Variants in FGF19 observed in about 807,000 individuals in gnomAD.
FGF19 encodes the protein fibroblast growth factor 19, also known as FGF-19.
A neutral mutation model predicts 8.9 loss-of-function variants in FGF19; 5 were observed. The ratio of observed to expected loss-of-function variants is 0.56; its 90% CI spans 0.29 to 1.18. FGF19 has a LOEUF of 1.18. Among genes scored for constraint, FGF19 ranks in the 50% most tolerant of loss-of-function variants. FGF19 has a pLI of 0.08. For missense variants in FGF19, 237 were observed against 293.9 expected, an observed-to-expected ratio of 0.81 and a Z score of 1.42; for synonymous variants, 124 against 128.0, an observed-to-expected ratio of 0.97 and a Z score of 0.21.
At chr11:69,699,678 T>G (rs970169758) in intron 2 of FGF19, 102 bp from the exon 3 acceptor site, 1 of 806,256 alleles carries the variant, frequency 1.2e-6, no homozygotes, top group Non-Finnish European at 1.9e-6. Flanking sequence ...CCACCAGCAG[T>G]GACCTTCCAC....
chr11:69,701,510 G>C (rs1227651050), intron 2 of FGF19, among the ~76,000 whole-genome samples: 3 of 151,248 alleles, frequency 2.0e-5, no homozygotes, highest in African/African-American at 7.3e-5. Context: ...GGCTGAGGCA[G>C]GAGAATTGCT....
intron 2 of FGF19, 37 bp from the exon 3 acceptor site, chr11:69,699,613 T>C: frequency 6.5e-7 from 1 of 1,527,800 alleles, no homozygotes; most frequent in Non-Finnish European, 8.9e-7. Flanking sequence ...CAATCCACAG[T>C]GGACAGGGAA....
Position 69,699,368 on chromosome 11 carries a change from T to C in FGF19, c.545A>G (p.His182Arg). Residue 182 changes from histidine to arginine, a missense_variant, in exon 3 of 3, where the codon CAC (histidine) becomes CGC (arginine). Coordinates refer to ENST00000294312, the MANE Select transcript of FGF19 (RefSeq NM_005117.3). Reference protein sequence around the residue: ...VPEEPEDLRGHLESDMFSSPL... With the variant: ...VPEEPEDLRGRLESDMFSSPL... ...CGAAGAGAACATGTCAGATTCCAAG[T>C]GGCCCCTGAGGTCCTCAGGCTCCTC... 1 of 1,614,132 alleles carries C rather than the reference T, an allele frequency of 6.2e-7. No homozygotes were observed. The highest frequency in any genetic ancestry group is 8.5e-7 in the Non-Finnish European group (1 of 1,180,008).
chr11:69,700,440 T>G (rs867736940), intron 2 of FGF19, among the ~76,000 whole-genome samples: 2 of 152,222 alleles, frequency 1.3e-5, no homozygotes, highest in African/African-American at 4.8e-5. Flanking sequence ...GAATGCCGTC[T>G]GTGTTTCCCT....
rs922640696 is a variant in FGF19, at chr11:69,702,125, T to C, written c.336+1136A>G. On this transcript the variant is annotated intron_variant, in intron 2 of 2. Coordinates refer to ENST00000294312, the MANE Select transcript of FGF19 (RefSeq NM_005117.3). The surrounding 1 kb of genome is among the most constrained non-coding windows in gnomAD (Gnocchi z 4.6). ...CCATAGTAAATGTCAAAATTAAAGT[T>C]GCAAGGGTGGGTTTGGAGCGGCTCT... Among the ~76,000 whole-genome samples the C allele has an allele frequency of 2.6e-5, 4 of 151,504 alleles. No homozygotes were observed. The highest frequency in any genetic ancestry group is 9.7e-5 in the African/African-American group (4 of 41,248).
Position 69,698,973 on chromosome 11 carries a change from A to G in FGF19, c.*289T>C. 1 of 341,966 alleles carries G rather than the reference A, an allele frequency of 2.9e-6. No individual in the cohort carries two copies. The highest frequency in any genetic ancestry group is 8.0e-4 in the Middle Eastern group (1 of 1,244). 21.2% of individuals were successfully genotyped at this position (341,966 alleles called of 1,614,324 possible). On this transcript the variant is annotated 3_prime_UTR_variant, in exon 3 of 3. Transcript: ENST00000294312. ...GAGTTCCCCATCGATGGAGGTATTC[A>G]AGCAGAACTGAGACAGTGCAGCAGC...
In FGF19 at chr11:69,703,504, G is replaced by A; in HGVS notation, c.233-140C>T. 1.3e-6 allele frequency: 1 copy of A among 788,996 alleles called. No homozygotes were observed. Among genetic ancestry groups the A allele is most frequent in the Admixed American group, 3.3e-5 (1 of 30,236 alleles). 48.9% of individuals were successfully genotyped at this position (788,996 alleles called of 1,614,324 possible). The stretch of plus-strand genomic sequence containing the variant: ...AACGGAGGGATCCTAACGTCCAGGT[G>A]CCAAAACCTGGGGTTCCCAGGAGTT... On this transcript the variant is annotated intron_variant, in intron 1 of 2. Coordinates refer to ENST00000294312, the MANE Select transcript of FGF19 (RefSeq NM_005117.3). This position sits in a 1 kb window ranked among gnomAD's most constrained non-coding sequence, Gnocchi z 6.8.
chr11:69,700,280 C>G (rs535566114), intron 2 of FGF19, among the ~76,000 whole-genome samples: 1 of 151,862 alleles, frequency 6.6e-6, no homozygotes, highest in Non-Finnish European at 1.5e-5. Context: ...TGCACACAGA[C>G]AAAACTGAGG....
Position 69,702,888 on chromosome 11 carries a change from C to T in FGF19, c.336+373G>A, listed in dbSNP as rs1854791795. Among the ~76,000 whole-genome samples the T allele has an allele frequency of 1.3e-5, 2 of 152,006 alleles. No individual in the cohort carries two copies. The highest frequency in any genetic ancestry group is 2.9e-5 in the Non-Finnish European group (2 of 68,006). On this transcript the variant is annotated intron_variant, in intron 2 of 2. Coordinates refer to ENST00000294312, the MANE Select transcript of FGF19 (RefSeq NM_005117.3). The surrounding 1 kb of genome is among the most constrained non-coding windows in gnomAD (Gnocchi z 4.6). The stretch of plus-strand genomic sequence containing the variant: ...TTCTTTTATACTGGAGGGAGGGAAA[C>T]GGAGGCGAGGACCACACACGCGCAG...
intron 2 of FGF19, among the ~76,000 whole-genome samples, chr11:69,701,433 C>G (rs1240498571): frequency 1.3e-5 from 2 of 151,452 alleles, no homozygotes; most frequent in African/African-American, 2.4e-5. Context: ...AACCTCATCT[C>G]TACTAAAAAT....
Position 69,699,013 on chromosome 11 carries a change from C to T in FGF19, c.*249G>A, listed in dbSNP as rs1016564218. The T allele has an allele frequency of 1.2e-5, 6 of 497,220 alleles. No homozygotes were observed. The highest frequency in any genetic ancestry group is 3.8e-5 in the Admixed American group (1 of 26,650). 30.8% of individuals were successfully genotyped at this position (497,220 alleles called of 1,614,324 possible). A position where few individuals can be genotyped will look rare whatever the true frequency, so the allele number is the denominator to read the frequency against. ...AGTGCAGCAGCTTGTCCAGCAACCTCGAGGGAGCAGAATGGGGGCCCAGGC... is the reference window on the plus strand; with the variant it reads ...AGTGCAGCAGCTTGTCCAGCAACCTTGAGGGAGCAGAATGGGGGCCCAGGC... On this transcript the variant is annotated 3_prime_UTR_variant, in exon 3 of 3. Coordinates refer to ENST00000294312, the MANE Select transcript of FGF19 (RefSeq NM_005117.3).
At position 69,702,389 on chromosome 11, in the gene FGF19, C is replaced by G. The variant is rs569315866; in HGVS notation, c.336+872G>C. Among the ~76,000 whole-genome samples, 1,441 of 152,308 alleles carry G rather than the reference C, an allele frequency of 9.5e-3. 11 individuals are homozygous for G. The highest frequency in any genetic ancestry group is 0.013 in the Non-Finnish European group (909 of 68,004). The stretch of plus-strand genomic sequence containing the variant: ...GGGGGCCCCGGGCAGGCGCGGCCAC[C>G]CCCGCCCTGGCCCCTGCTCCGCCAG... On this transcript the variant is annotated intron_variant, in intron 2 of 2. Transcript: ENST00000294312. This position sits in a 1 kb window ranked among gnomAD's most constrained non-coding sequence, Gnocchi z 4.6.
rs1854777825 is a variant in FGF19, at chr11:69,702,029, T to C, written c.336+1232A>G. 6.8e-6 allele frequency among the ~76,000 whole-genome samples: 1 copy of C among 147,160 alleles called. No individual in the cohort carries two copies. The highest frequency in any genetic ancestry group is 2.5e-5 in the African/African-American group (1 of 39,538). Reference sequence around the variant, plus strand: ...GATTTCAGGTGACCCAACCCCCAATTTGGGCAGAATGGCGGGTTAGGTTGA... The same window carrying C: ...GATTTCAGGTGACCCAACCCCCAATCTGGGCAGAATGGCGGGTTAGGTTGA... On this transcript the variant is annotated intron_variant, in intron 2 of 2. Transcript: ENST00000294312. This position sits in a 1 kb window ranked among gnomAD's most constrained non-coding sequence, Gnocchi z 4.6.
At position 69,703,360 on chromosome 11, in the gene FGF19, C is replaced by G. The variant is rs1489091684; in HGVS notation, c.237G>C (p.Leu79Phe). ...GCAGAGCGACTGCCTTGATCTCCAGCAAACCTAGGCGCAGGGGAAGCGAGA... is the reference window on the plus strand; with the variant it reads ...GCAGAGCGACTGCCTTGATCTCCAGGAAACCTAGGCGCAGGGGAAGCGAGA... ...DCARGQSAHS[L>F]LEIKAVALRT... Residue 79 changes from leucine to phenylalanine, a missense_variant, in exon 2 of 3, where the codon TTG (leucine) becomes TTC (phenylalanine). Coordinates refer to ENST00000294312, the MANE Select transcript of FGF19 (RefSeq NM_005117.3). The surrounding 1 kb of genome is among the most constrained non-coding windows in gnomAD (Gnocchi z 6.8). 6 of 1,605,748 alleles carry G rather than the reference C, an allele frequency of 3.7e-6. No homozygotes were observed. Among genetic ancestry groups the G allele is most frequent in the Non-Finnish European group, 5.1e-6 (6 of 1,176,530 alleles).
intron 2 of FGF19, among the ~76,000 whole-genome samples, chr11:69,701,284 T>C (rs541684819): frequency 6.6e-6 from 1 of 152,216 alleles, no homozygotes; most frequent in Non-Finnish European, 1.5e-5. Context: ...TGACTTCAAG[T>C]TTCTAGAAGA....
At chr11:69,699,641 G>A (rs1363242194) in intron 2 of FGF19, 65 bp from the exon 3 acceptor site, 5 of 1,346,992 alleles carry the variant, frequency 3.7e-6, no homozygotes, top group Admixed American at 5.0e-5. Context: ...CCACATGGAC[G>A]TTTGTGCTAC....
rs1854740457 is a variant in FGF19, at chr11:69,699,270, C to T, written c.643G>A (p.Glu215Lys). 6.2e-7 allele frequency: 1 copy of T among 1,608,450 alleles called. No homozygotes were observed. The highest frequency in any genetic ancestry group is 8.5e-7 in the Non-Finnish European group (1 of 1,176,858). ...GLEAVRSPSF[E>K]K The stretch of plus-strand genomic sequence containing the variant: ...CCCGGGCATGGTCTCAGTTACTTCT[C>T]AAAGCTGGGACTCCTCACGGCCTCC... Residue 215 changes from glutamate (E) to lysine (K), a missense_variant, in exon 3 of 3, where the codon GAG becomes AAG. By Grantham distance (56) the Glu-to-Lys change is moderately conservative. Coordinates refer to ENST00000294312, the MANE Select transcript of FGF19 (RefSeq NM_005117.3).
Position 69,703,975 on chromosome 11 carries a change from G to T in FGF19, c.-99C>A. On this transcript the variant is annotated 5_prime_UTR_variant, in exon 1 of 3. Coordinates refer to ENST00000294312, the MANE Select transcript of FGF19 (RefSeq NM_005117.3). The surrounding 1 kb of genome is among the most constrained non-coding windows in gnomAD (Gnocchi z 6.8). ...TGCGGGGCTGTGAGTGCCGGGTTGG[G>T]ATGGTCGTGGCCCTAGATCCTGGAC... 1.4e-6 allele frequency: 1 copy of T among 708,912 alleles called. No homozygotes were observed. The highest frequency in any genetic ancestry group is 2.0e-6 in the Non-Finnish European group (1 of 507,136). The allele number at this position is 708,912 out of a possible 1,614,324, so 43.9% of individuals were successfully genotyped here.
At position 69,703,589 on chromosome 11, in the gene FGF19, C is replaced by A; in HGVS notation, c.232+56G>T. ...AGGAAGGGCGCTGGGGTGGGGCGCG[C>A]GCAGCGGGGTGGGGTGCGCGCGGCG... On this transcript the variant is annotated intron_variant, in intron 1 of 2. Coordinates refer to ENST00000294312, the MANE Select transcript of FGF19 (RefSeq NM_005117.3). This position sits in a 1 kb window ranked among gnomAD's most constrained non-coding sequence, Gnocchi z 6.8. The A allele has an allele frequency of 6.9e-6, 6 of 874,946 alleles. No homozygotes were observed. The highest frequency in any genetic ancestry group is 8.7e-6 in the Non-Finnish European group (6 of 687,868). The allele number at this position is 874,946 out of a possible 1,614,324, so 54.2% of individuals were successfully genotyped here.
Sources: allele counts gnomAD v4.1 joint callset (sites outside exome capture counted in the v4.1 genomes callset), GRCh38; gene constraint gnomAD v4.1.1; non-coding constraint Gnocchi (gnomAD v3.1); transcripts MANE v1.5; gene names NCBI Gene and HGNC (gene_info 2026-07-23, HGNC 2026-07-21).